Variants in IP6K2 observed in about 807,000 individuals in gnomAD.
IP6K2 encodes inositol hexakisphosphate kinase 2.
A neutral mutation model predicts 43.3 loss-of-function variants in IP6K2; 9 were observed. The ratio of observed to expected loss-of-function variants is 0.21; its 90% confidence interval spans 0.13 to 0.36. The LOEUF (loss-of-function observed/expected upper bound fraction) is 0.36, where lower values mean the gene tolerates loss of function less well. IP6K2 is among the 10% of genes least tolerant of loss of function. The pLI is 1.00. For missense variants in IP6K2, 332 were observed against 538.4 expected (o/e 0.62, Z 3.79); for synonymous variants, 209 against 202.4 (o/e 1.03, Z -0.28).
At chr3:48,692,910 T>C (rs1366074969) in intron 3 of IP6K2, 44 bp downstream of exon 3, 1 of 1,445,154 alleles carries the variant, frequency 6.9e-7, no homozygotes, top group Non-Finnish European at 9.7e-7. Context: ...CCCCCAACAC[T>C]TCCCCTCCCA....
chr3:48,691,264 C>T (rs370375130), intron 4 of IP6K2, 43 bp downstream of exon 4: 2 of 1,531,458 alleles, frequency 1.3e-6, no homozygotes, highest in African/African-American at 2.8e-5. Flanking sequence ...CATTTCCTCT[C>T]CTCTTACCCT....
intron 5 of IP6K2, among the ~76,000 whole-genome samples, chr3:48,689,051 C>G (rs1278903188): frequency 1.3e-5 from 2 of 152,246 alleles, no homozygotes; most frequent in African/African-American, 4.8e-5. Flanking sequence ...CTACTACTAT[C>G]CACAGATTCT....
chr3:48,690,818 A>T (rs2077715957), intron 4 of IP6K2, among the ~76,000 whole-genome samples: 2 of 151,262 alleles, frequency 1.3e-5, no homozygotes, highest in Middle Eastern at 6.8e-3. Context: ...AAAAAGAGAG[A>T]GAGAGGAAAA....
At chr3:48,696,168 C>T (rs192881285) in intron 1 of IP6K2, among the ~76,000 whole-genome samples, 10 of 151,902 alleles carry the variant, frequency 6.6e-5, no homozygotes, top group Admixed American at 3.3e-4. Context: ...CAGGTGTGAG[C>T]GACCGCACCC....
At chr3:48,703,548 CAAAAAAAA>C (rs35725171) in intron 1 of IP6K2, among the ~76,000 whole-genome samples, 1 of 69,872 alleles carries the variant, frequency 1.4e-5, no homozygotes, top group Non-Finnish European at 2.9e-5. Context: ...ACTAAAAATA[CAAAAAAAA>C]AAAAAAAAAA....
intron 1 of IP6K2, among the ~76,000 whole-genome samples, chr3:48,709,913 C>A (rs1477169618): frequency 6.6e-6 from 1 of 151,998 alleles, no homozygotes; most frequent in Non-Finnish European, 1.5e-5. Context: ...GAGACACCTG[C>A]CAATTATGCT....
intron 4 of IP6K2, among the ~76,000 whole-genome samples, chr3:48,690,349 T>TA (rs2077657602): frequency 6.6e-6 from 1 of 152,092 alleles, no homozygotes; most frequent in Non-Finnish European, 1.5e-5. Context: ...AAAAAATAGA[T>TA]AAAAGGCTAG....
chr3:48,695,230 G>A lies in IP6K2; in HGVS notation c.62C>T (p.Pro21Leu), dbSNP rs2078199774. The change falls in exon 2 of 6, where the codon CCC (proline) becomes CTC (leucine). Residue 21 changes from proline (P) to leucine (L), a missense_variant. Pro to Leu is a moderately conservative substitution (Grantham distance 98, BLOSUM62 -3). Transcript: ENST00000328631. The surrounding 1 kb of genome is among the most constrained non-coding windows in gnomAD (Gnocchi z 4.6). ...EPRAKGVLLEPFVHQVGGHSC... is the reference protein window; with the variant it reads ...EPRAKGVLLELFVHQVGGHSC... ...GTGCCCCCCGACCTGGTGGACAAAG[G>A]GCTCCAGAAGGACGCCTTTGGCGCG... 1 of 1,575,698 alleles carries A rather than the reference G, an allele frequency of 6.3e-7. No homozygotes were observed. Among genetic ancestry groups the A allele is most frequent in the Non-Finnish European group, 8.7e-7 (1 of 1,154,826 alleles).
intron 1 of IP6K2, among the ~76,000 whole-genome samples, chr3:48,698,662 G>A (rs2078680885): frequency 1.3e-5 from 2 of 152,112 alleles, no homozygotes; most frequent in South Asian, 4.2e-4. Flanking sequence ...TAGTAGAGAT[G>A]GGGTTTCGCC....
At chr3:48,690,373 C>G (rs542795855) in intron 4 of IP6K2, among the ~76,000 whole-genome samples, 3 of 152,024 alleles carry the variant, frequency 2.0e-5, no homozygotes. Context: ...TGGTGGCTCA[C>G]GCCTGTTATC....
chr3:48,715,950 G>A (rs1418017181), intron 1 of IP6K2, among the ~76,000 whole-genome samples: 1 of 151,140 alleles, frequency 6.6e-6, no homozygotes, highest in Non-Finnish European at 1.5e-5. Flanking sequence ...AAAGTTACTA[G>A]GCCATCAATT....
intron 1 of IP6K2, among the ~76,000 whole-genome samples, chr3:48,709,858 TA>T (rs1346238115): frequency 9.0e-5 from 13 of 144,512 alleles, no homozygotes; most frequent in Middle Eastern, 3.5e-3. Context: ...ATTAATTAAT[TA>T]AAAAAAAAAG....
intron 1 of IP6K2, among the ~76,000 whole-genome samples, chr3:48,704,810 G>A (rs1470220070): frequency 6.6e-6 from 1 of 150,736 alleles, no homozygotes; most frequent in Admixed American, 6.6e-5. Context: ...TGAGAGTCTT[G>A]CTCTGTTGCC....
At chr3:48,702,228 G>A (rs938551203) in intron 1 of IP6K2, among the ~76,000 whole-genome samples, 8 of 151,856 alleles carry the variant, frequency 5.3e-5, no homozygotes, top group African/African-American at 1.9e-4. Flanking sequence ...GAGACTCCAT[G>A]TCAAAAAAAA....
chr3:48,716,702 T>A (rs1487165249), intron 1 of IP6K2, among the ~76,000 whole-genome samples: 1 of 152,180 alleles, frequency 6.6e-6, no homozygotes, highest in Non-Finnish European at 1.5e-5. Context: ...TAACAGTACC[T>A]GAGGCGCTGA....
At chr3:48,693,899 G>A (rs1230642306) in intron 2 of IP6K2, 2 of 1,247,698 alleles carry the variant, frequency 1.6e-6, no homozygotes, top group Non-Finnish European at 2.0e-6. Context: ...TTCCCCTTAA[G>A]TCTCTAGAAC....
At chr3:48,713,898 C>T (rs1575783111) in intron 1 of IP6K2, among the ~76,000 whole-genome samples, 1 of 151,882 alleles carries the variant, frequency 6.6e-6, no homozygotes, top group Non-Finnish European at 1.5e-5. Context: ...GGGTGGATCA[C>T]CTAAGGTCAG....
In IP6K2 at chr3:48,689,241, C is replaced by T. The variant is rs1275031605; in HGVS notation, c.780+297G>A. On this transcript the variant is annotated intron_variant, in intron 5 of 5. Transcript: ENST00000328631. ...GATCTCAGCTCACTGCAACCTCTGC[C>T]TCCTGGGTTCAAGCTGTTTTCATGC... 2.6e-5 allele frequency among the ~76,000 whole-genome samples: 4 copies of T among 152,190 alleles called. No homozygotes were observed. In the East Asian group the frequency reaches 7.7e-4, roughly 29 times the overall value.
intron 1 of IP6K2, among the ~76,000 whole-genome samples, chr3:48,716,108 C>T (rs1243104816): frequency 6.6e-6 from 1 of 152,112 alleles, no homozygotes; most frequent in African/African-American, 2.4e-5. Flanking sequence ...ACAGCAACAA[C>T]CTATATAAAT....
Sources: gnomAD v4.1 joint callset for allele counts (sites outside exome capture counted in the v4.1 genomes callset) on GRCh38, gnomAD v4.1.1 for gene constraint, Gnocchi (gnomAD v3.1) non-coding constraint, MANE v1.5 for transcripts, NCBI Gene and HGNC (gene_info 2026-07-23, HGNC 2026-07-21) for gene names.